PTPN11: variants seen among roughly 807,000 people sequenced by gnomAD.
PTPN11 encodes protein tyrosine phosphatase non-receptor type 11, also known as tyrosine-protein phosphatase non-receptor type 11.
A neutral mutation model predicts 78.8 loss-of-function variants in PTPN11; 6 were observed. The ratio of observed to expected loss-of-function variants is 0.08; its 90% CI spans 0.04 to 0.15. The LOEUF (loss-of-function observed/expected upper bound fraction) is 0.15. Ranked by LOEUF, PTPN11 falls within the 10% of genes least tolerant of loss-of-function variation. The probability of loss-of-function intolerance (pLI) is 1.00; values close to 1 mark genes in which losing one functional copy is unlikely to be tolerated. For missense variants in PTPN11, 386 were observed against 744.8 expected (o/e 0.52, Z 5.61); for synonymous variants, 221 against 263.5 (o/e 0.84, Z 1.56).
chr12:112,443,692 G>A (rs2037945434), intron 1 of PTPN11, among the ~76,000 whole-genome samples: 1 of 131,282 alleles, frequency 7.6e-6, no homozygotes, highest in Non-Finnish European at 1.6e-5. Context: ...TTATTCTGTT[G>A]CCTGGCCTGG....
intron 1 of PTPN11, among the ~76,000 whole-genome samples, chr12:112,430,155 G>A (rs926982796): frequency 3.9e-5 from 6 of 152,046 alleles, no homozygotes; most frequent in Admixed American, 1.3e-4. Context: ...CAAGTAGCTG[G>A]GATTACAGGT....
chr12:112,423,291 A>T (rs899424219), intron 1 of PTPN11, among the ~76,000 whole-genome samples: 17 of 148,706 alleles, frequency 1.1e-4, no homozygotes, highest in East Asian at 3.9e-4. Flanking sequence ...GAAATTTGAA[A>T]TTTTTTTTTT....
intron 1 of PTPN11, among the ~76,000 whole-genome samples, chr12:112,437,512 C>A (rs958409639): frequency 9.2e-5 from 14 of 152,090 alleles, no homozygotes; most frequent in Non-Finnish European, 1.9e-4. Context: ...TACTTTGTTA[C>A]GGTGCATTAT....
chr12:112,431,467 CTG>C (rs1045731712), intron 1 of PTPN11, among the ~76,000 whole-genome samples: 17 of 152,096 alleles, frequency 1.1e-4, no homozygotes, highest in African/African-American at 4.1e-4. Flanking sequence ...AACCTGGTGA[CTG>C]TAGAAATGTG....
At chr12:112,431,740 A>G (rs1217798478) in intron 1 of PTPN11, among the ~76,000 whole-genome samples, 2 of 152,174 alleles carry the variant, frequency 1.3e-5, no homozygotes, top group Non-Finnish European at 2.9e-5. Context: ...CTAGTTCCAA[A>G]TGTGAAACTC....
At chr12:112,427,587 A>G (rs910070646) in intron 1 of PTPN11, among the ~76,000 whole-genome samples, 2 of 151,542 alleles carry the variant, frequency 1.3e-5, no homozygotes, top group East Asian at 3.9e-4. Flanking sequence ...ATATCTATAT[A>G]GATATAGATA....
At chr12:112,484,633 A>G (rs1471369202) in intron 10 of PTPN11, among the ~76,000 whole-genome samples, 1 of 152,022 alleles carries the variant, frequency 6.6e-6, no homozygotes, top group Non-Finnish European at 1.5e-5. Flanking sequence ...CTGATGTCAG[A>G]GAGGGTCCAG....
At chr12:112,467,211 A>G (rs2059413087) in intron 6 of PTPN11, among the ~76,000 whole-genome samples, 1 of 152,212 alleles carries the variant, frequency 6.6e-6, no homozygotes, top group Admixed American at 6.5e-5. Context: ...ACTCACATGT[A>G]CAACATGGAT....
At chr12:112,481,950 G>C (rs2038602189) in intron 9 of PTPN11, 124 bp from the exon 10 acceptor site, 17 of 1,048,328 alleles carry the variant, frequency 1.6e-5, no homozygotes, top group Non-Finnish European at 2.4e-5. Flanking sequence ...CCTAACAGAT[G>C]CGAAACAGGC....
chr12:112,454,239 C>T (rs2038120488), intron 4 of PTPN11, among the ~76,000 whole-genome samples: 2 of 152,100 alleles, frequency 1.3e-5, no homozygotes, highest in South Asian at 4.1e-4. Context: ...CGTGCCTCAC[C>T]CTCCTGAGTA....
At chr12:112,473,794 C>T (rs917304580) in intron 7 of PTPN11, among the ~76,000 whole-genome samples, 14 of 150,726 alleles carry the variant, frequency 9.3e-5, no homozygotes, top group Admixed American at 1.3e-4. Flanking sequence ...TGCAGTGAGC[C>T]GAGATGTGCC....
intron 11 of PTPN11, 193 bp downstream of exon 11, chr12:112,486,822 T>A (rs2038685368): frequency 1.4e-6 from 2 of 1,452,194 alleles, no homozygotes. Flanking sequence ...AGCACTGCCA[T>A]TGGCCATGGC....
intron 3 of PTPN11, 68 bp downstream of exon 3, chr12:112,450,580 C>T (rs368301721): frequency 2.2e-5 from 32 of 1,455,258 alleles, no homozygotes; most frequent in East Asian, 6.8e-5. Flanking sequence ...AAATGCATGA[C>T]GGTCTGTGTA....
At chr12:112,483,210 C>G (rs1303345170) in intron 10 of PTPN11, among the ~76,000 whole-genome samples, 1 of 122,404 alleles carries the variant, frequency 8.2e-6, no homozygotes, top group Admixed American at 8.9e-5. Flanking sequence ...TTTTTTGAAA[C>G]AGAATCTTGT....
chr12:112,436,947 T>G (rs2037802408), intron 1 of PTPN11, among the ~76,000 whole-genome samples: 1 of 152,004 alleles, frequency 6.6e-6, no homozygotes, highest in Non-Finnish European at 1.5e-5. Flanking sequence ...GGTAATAAAT[T>G]TTACCATTTA....
At chr12:112,485,064 C>A (rs528971531) in intron 10 of PTPN11, among the ~76,000 whole-genome samples, 1 of 152,024 alleles carries the variant, frequency 6.6e-6, no homozygotes, top group African/African-American at 2.4e-5. Flanking sequence ...AGTACAAGAC[C>A]AGCCTGGCCA....
intron 13 of PTPN11, among the ~76,000 whole-genome samples, chr12:112,492,708 G>A (rs1180871259): frequency 1.3e-5 from 2 of 151,928 alleles, no homozygotes; most frequent in Non-Finnish European, 2.9e-5. Flanking sequence ...TAGTAGAGAC[G>A]GGGTCTCACC....
At chr12:112,423,492 G>T (rs2037556701) in intron 1 of PTPN11, among the ~76,000 whole-genome samples, 1 of 152,016 alleles carries the variant, frequency 6.6e-6, no homozygotes, top group African/African-American at 2.4e-5. Flanking sequence ...CACCATGTTG[G>T]CCAGGCCGGT....
intron 6 of PTPN11, among the ~76,000 whole-genome samples, chr12:112,458,990 G>A (rs764643259): frequency 3.1e-4 from 47 of 151,790 alleles, no homozygotes; most frequent in Non-Finnish European, 5.6e-4. Flanking sequence ...CTGAGATCAC[G>A]TCACTGCTCT....
Sources: allele counts gnomAD v4.1 joint callset (sites outside exome capture counted in the v4.1 genomes callset), GRCh38; gene constraint gnomAD v4.1.1; transcripts MANE v1.5; gene names NCBI Gene and HGNC (gene_info 2026-07-23, HGNC 2026-07-21).